The following PDE4D variants were observed in gnomAD, a reference collection of about 807,000 sequenced individuals.
PDE4D encodes the protein 3',5'-cyclic-AMP phosphodiesterase 4D.
PDE4D carries 24 observed loss-of-function variants against 87.4 expected under a neutral mutation model. The observed-to-expected ratio is 0.27, with a 90% CI of 0.20 to 0.39. PDE4D has a LOEUF of 0.39. Ranked by LOEUF, PDE4D falls within the 10% of genes least tolerant of loss-of-function variation. The pLI, the probability that PDE4D is intolerant of heterozygous loss-of-function variation, is 1.00. For synonymous variants in PDE4D, 384 were observed against 383.2 expected, an observed-to-expected ratio of 1.00 and a Z score of -0.02; for missense variants, 714 against 1,041.0, an observed-to-expected ratio of 0.69 and a Z score of 4.32.
intron 2 of PDE4D, among the ~76,000 whole-genome samples, chr5:60,044,952 A>G (rs1413962821): frequency 3.3e-5 from 5 of 152,130 alleles, no homozygotes; most frequent in Non-Finnish European, 7.4e-5. Flanking sequence ...TGACTTCCAC[A>G]ATGGTTGAAC....
intron 1 of PDE4D, among the ~76,000 whole-genome samples, chr5:59,800,763 C>A (rs1014342938): frequency 6.6e-6 from 1 of 152,094 alleles, no homozygotes; most frequent in Non-Finnish European, 1.5e-5. Flanking sequence ...CTGTTTGAGC[C>A]TAGGTTAGTC....
chr5:59,996,312 C>CT (rs1364815312), intron 2 of PDE4D, among the ~76,000 whole-genome samples: 6 of 151,950 alleles, frequency 3.9e-5, no homozygotes, highest in Non-Finnish European at 2.9e-5. Context: ...TGCCACATTC[C>CT]TTTTTTTTCC....
chr5:60,082,234 G>C (rs758068413), intron 2 of PDE4D, among the ~76,000 whole-genome samples: 13 of 152,186 alleles, frequency 8.5e-5, no homozygotes, highest in Non-Finnish European at 1.8e-4. Context: ...AATGAAGGCA[G>C]AGTCCTAATA....
Position 60,317,270 on chromosome 5 carries a change from T to A in PDE4D, c.-89-131583A>T, listed in dbSNP as rs149648404. ...TTTCTTCTAGATTTTCTAGTTTATT[T>A]GCATAGAGGTGTTTATAGTATTCTC... On this transcript the variant is annotated intron_variant, in intron 1 of 16. Transcript: ENST00000502484. Among the ~76,000 whole-genome samples, 709 of 152,338 alleles carry A rather than the reference T, an allele frequency of 4.7e-3. 12 individuals are homozygous for A. Among genetic ancestry groups the A allele is most frequent in the Admixed American group, 0.036 (548 of 15,298 alleles).
intron 1 of PDE4D, among the ~76,000 whole-genome samples, chr5:59,514,960 A>G (rs1810908776): frequency 6.6e-6 from 1 of 152,262 alleles, no homozygotes; most frequent in African/African-American, 2.4e-5. Context: ...ATGTTAGCAA[A>G]TAAAGCAGCA....
chr5:60,515,601 C>CT (rs954970783), intron 1 of PDE4D, among the ~76,000 whole-genome samples: 27,077 of 106,594 alleles, frequency 0.25, 2,777 homozygotes, highest in Middle Eastern at 0.33. Flanking sequence ...TTTTCTTTTT[C>CT]TTTTTTTTTT....
intron 1 of PDE4D, among the ~76,000 whole-genome samples, chr5:59,537,255 T>C (rs1815453037): frequency 6.6e-6 from 1 of 152,230 alleles, no homozygotes; most frequent in African/African-American, 2.4e-5. Context: ...CTGCCTGTAG[T>C]CTACATTATG....
At chr5:59,466,040 T>C (rs1801542733) in intron 1 of PDE4D, among the ~76,000 whole-genome samples, 1 of 152,204 alleles carries the variant, frequency 6.6e-6, no homozygotes, top group Non-Finnish European at 1.5e-5. Flanking sequence ...ACATATAATT[T>C]GAATTTAGGA....
rs1404315494 is a variant in PDE4D at position 59,161,155 on chromosome 5, T to C, written c.808+19440A>G. 2.0e-5 allele frequency among the ~76,000 whole-genome samples: 3 copies of C among 148,170 alleles called. No homozygotes were observed. The East Asian group carries it at 6.4e-4, about 32-fold the overall frequency. ...ATTCATTGTGTTAGCCCAAAATATCTGAGACAGGTCTCAATCAGTTTAGAA... is the reference window on the plus strand; with the variant it reads ...ATTCATTGTGTTAGCCCAAAATATCCGAGACAGGTCTCAATCAGTTTAGAA... On this transcript the variant is annotated intron_variant, in intron 5 of 14. Transcript: ENST00000340635.
intron 1 of PDE4D, among the ~76,000 whole-genome samples, chr5:60,507,527 G>T (rs1286430739): frequency 6.6e-6 from 1 of 151,802 alleles, no homozygotes; most frequent in Non-Finnish European, 1.5e-5. Context: ...GACAAATTTG[G>T]TATCTGGTGC....
intron 1 of PDE4D, among the ~76,000 whole-genome samples, chr5:60,341,007 T>C (rs1042423343): frequency 6.6e-5 from 10 of 152,136 alleles, no homozygotes; most frequent in African/African-American, 2.4e-4. Context: ...AAGTACACCA[T>C]AAAGAGCCAT....
At chr5:60,430,160 T>A in intron 1 of PDE4D, 1 of 524,386 alleles carries the variant, frequency 1.9e-6, no homozygotes. Context: ...GGGGCACGCT[T>A]CTTGAAGCCC....
chr5:60,415,463 T>TGCAG (rs1218265319), intron 1 of PDE4D, among the ~76,000 whole-genome samples: 12 of 151,972 alleles, frequency 7.9e-5, no homozygotes, highest in African/African-American at 2.9e-4. Context: ...GAGGGAGAGG[T>TGCAG]GCAGGCGGGA....
At chr5:58,976,734 G>A (rs1392320930) in intron 12 of PDE4D, among the ~76,000 whole-genome samples, 1 of 152,118 alleles carries the variant, frequency 6.6e-6, no homozygotes, top group Admixed American at 6.5e-5. Context: ...ACATCTCCAT[G>A]GATAAGACAT....
chr5:59,735,532 G>A (rs1171133697), intron 1 of PDE4D, among the ~76,000 whole-genome samples: 1 of 152,118 alleles, frequency 6.6e-6, no homozygotes, highest in Non-Finnish European at 1.5e-5. Context: ...ATAAGAAAGT[G>A]AGAATGGTAC....
At chr5:60,413,370 C>T (rs1390631251) in intron 1 of PDE4D, among the ~76,000 whole-genome samples, 1 of 152,142 alleles carries the variant, frequency 6.6e-6, no homozygotes, top group African/African-American at 2.4e-5. Flanking sequence ...CCCTTGCATG[C>T]ATATTGCTCT....
At chr5:60,067,296 G>T (rs996225449) in intron 2 of PDE4D, among the ~76,000 whole-genome samples, 1 of 151,996 alleles carries the variant, frequency 6.6e-6, no homozygotes, top group African/African-American at 2.4e-5. Flanking sequence ...GATTGGACTG[G>T]CCCAGACACA....
At chr5:59,691,346 T>G (rs1750883313) in intron 1 of PDE4D, among the ~76,000 whole-genome samples, 1 of 151,892 alleles carries the variant, frequency 6.6e-6, no homozygotes, top group Non-Finnish European at 1.5e-5. Flanking sequence ...ATAGACTGGA[T>G]TAAGAAAATG....
chr5:59,355,383 AT>A (rs1323886691), intron 1 of PDE4D, among the ~76,000 whole-genome samples: 2 of 152,136 alleles, frequency 1.3e-5, no homozygotes, highest in African/African-American at 4.8e-5. Flanking sequence ...GCAGCTGGAG[AT>A]TTATGATATT....
Sources: allele counts gnomAD v4.1 joint callset (sites outside exome capture counted in the v4.1 genomes callset), GRCh38; gene constraint gnomAD v4.1.1; transcripts MANE v1.5; gene names NCBI Gene and HGNC (gene_info 2026-07-23, HGNC 2026-07-21).